The following CELF4 variants were observed in gnomAD, a reference collection of about 807,000 sequenced individuals.
CELF4 encodes CUG-BP- and ETR-3-like factor 4.
Under a neutral mutation model 59.9 loss-of-function variants are expected in CELF4, and 18 were observed. The observed-to-expected ratio is 0.30, with a 90% confidence interval of 0.21 to 0.45. CELF4 has a LOEUF of 0.45. Ranked by LOEUF, CELF4 falls within the 20% of genes least tolerant of loss-of-function variation. The pLI is 1.00. For synonymous variants in CELF4, 261 were observed against 267.1 expected (o/e 0.98, Z 0.22); for missense variants, 456 against 689.0 (o/e 0.66, Z 3.79).
At chr18:37,538,171 C>G (rs1055841832) in intron 1 of CELF4, among the ~76,000 whole-genome samples, 4 of 152,208 alleles carry the variant, frequency 2.6e-5, no homozygotes, top group Non-Finnish European at 4.4e-5. Context: ...AGGGGATGGC[C>G]CTGGTCTCTC....
At chr18:37,270,256 T>C (rs1025971974) in intron 8 of CELF4, among the ~76,000 whole-genome samples, 8 of 152,238 alleles carry the variant, frequency 5.3e-5, no homozygotes, top group Admixed American at 6.5e-5. Context: ...TCCATGGTGC[T>C]GATCACGCTT....
intron 2 of CELF4, among the ~76,000 whole-genome samples, chr18:37,462,270 G>A (rs1451881411): frequency 3.3e-5 from 5 of 152,278 alleles, no homozygotes; most frequent in South Asian, 2.1e-4. Flanking sequence ...CTAGCATCAC[G>A]GTCTCCTGGG....
chr18:37,320,173 T>C (rs1186505416), intron 3 of CELF4, among the ~76,000 whole-genome samples: 1 of 152,002 alleles, frequency 6.6e-6, no homozygotes, highest in Non-Finnish European at 1.5e-5. Flanking sequence ...CCATCTCTAC[T>C]AAAAATACAA....
At chr18:37,549,380 A>C (rs1439958637) in intron 1 of CELF4, among the ~76,000 whole-genome samples, 1 of 152,022 alleles carries the variant, frequency 6.6e-6, no homozygotes, top group Non-Finnish European at 1.5e-5. Context: ...AGGGAAAAAA[A>C]CTCCTACTCC....
chr18:37,506,831 G>A (rs1402922558), intron 1 of CELF4, among the ~76,000 whole-genome samples: 1 of 152,218 alleles, frequency 6.6e-6, no homozygotes, highest in Non-Finnish European at 1.5e-5. Flanking sequence ...TGAAAAGTTT[G>A]TTTCCTCCTT....
At chr18:37,552,694 G>C (rs1317209716) in intron 1 of CELF4, among the ~76,000 whole-genome samples, 3 of 152,250 alleles carry the variant, frequency 2.0e-5, no homozygotes, top group Non-Finnish European at 4.4e-5. Flanking sequence ...GATGGCATAA[G>C]GGGCAGATGG....
intron 10 of CELF4, among the ~76,000 whole-genome samples, chr18:37,260,969 C>G (rs1203559614): frequency 6.6e-6 from 1 of 152,124 alleles, no homozygotes; most frequent in Non-Finnish European, 1.5e-5. Context: ...CCCCCGAGCT[C>G]TGGTGGCCCT....
intron 2 of CELF4, among the ~76,000 whole-genome samples, chr18:37,375,488 G>A (rs1398829493): frequency 6.6e-6 from 1 of 152,150 alleles, no homozygotes; most frequent in East Asian, 1.9e-4. Context: ...CCCCACCAAA[G>A]TCAGCTTTTC....
intron 1 of CELF4, among the ~76,000 whole-genome samples, chr18:37,513,980 GTGTA>G (rs986420886): frequency 3.9e-5 from 5 of 126,930 alleles, no homozygotes; most frequent in Admixed American, 7.9e-5. Context: ...GTGTGTGTGT[GTGTA>G]TACCTTCTGA....
chr18:37,542,318 G>A (rs897977505), intron 1 of CELF4, among the ~76,000 whole-genome samples: 2 of 152,218 alleles, frequency 1.3e-5, no homozygotes, highest in East Asian at 1.9e-4. Flanking sequence ...ATAAACACTC[G>A]TTATTGAGTG....
Position 37,369,395 on chromosome 18 carries a change from A to G in CELF4, c.370-47514T>C, listed in dbSNP as rs531319000. On this transcript the variant is annotated intron_variant, in intron 2 of 12. Transcript: ENST00000420428. Reference sequence around the variant, plus strand: ...GAGGATTGGCTCTCTGGGTCTTTGGAGGAACCTATGAGTGGCTCTGGGGAC... The same window carrying G: ...GAGGATTGGCTCTCTGGGTCTTTGGGGGAACCTATGAGTGGCTCTGGGGAC... Among the ~76,000 whole-genome samples, 4 of 152,244 alleles carry G rather than the reference A, an allele frequency of 2.6e-5. No homozygotes were observed. In the South Asian group the frequency reaches 8.3e-4, roughly 32 times the overall value.
In CELF4 at chr18:37,535,744, C is replaced by A. The variant is rs572710433; in HGVS notation, c.286+29612G>T. On this transcript the variant is annotated intron_variant, in intron 1 of 12. Transcript: ENST00000420428. Reference sequence around the variant, plus strand: ...AAGGGGCGGCCACCAGGAGGCCAGGCCACAGAGGAGCATGCTCAGGTGAGC... The same window carrying A: ...AAGGGGCGGCCACCAGGAGGCCAGGACACAGAGGAGCATGCTCAGGTGAGC... Among the ~76,000 whole-genome samples the A allele has an allele frequency of 1.1e-4, 16 of 152,314 alleles. No individual in the cohort carries two copies. In the East Asian group the frequency reaches 3.1e-3, roughly 29 times the overall value.
chr18:37,485,237 C>T (rs954331823), intron 2 of CELF4, among the ~76,000 whole-genome samples: 1 of 151,906 alleles, frequency 6.6e-6, no homozygotes, highest in African/African-American at 2.4e-5. Flanking sequence ...CCCGCGGGCC[C>T]GGCGGAGGCA....
chr18:37,468,846 C>T lies in CELF4; in HGVS notation c.369+16679G>A, dbSNP rs182877819. Among the ~76,000 whole-genome samples, 178 of 152,188 alleles carry T rather than the reference C, an allele frequency of 1.2e-3. 5 individuals carry two copies. In the South Asian group the frequency reaches 0.032, roughly 27 times the overall value. On this transcript the variant is annotated intron_variant, in intron 2 of 12. Coordinates refer to ENST00000420428, the MANE Select transcript of CELF4 (RefSeq NM_020180.4). ...TCTTGTGAGAACTCACTCACTATCA[C>T]GAGAACAGCATGGGGGAAACCACAT...
intron 2 of CELF4, among the ~76,000 whole-genome samples, chr18:37,385,205 G>A (rs528087437): frequency 3.9e-4 from 59 of 152,038 alleles, no homozygotes; most frequent in African/African-American, 9.4e-4. Flanking sequence ...AAAATTAGCC[G>A]GGTGTGGTGG....
intron 2 of CELF4, among the ~76,000 whole-genome samples, chr18:37,344,217 G>T (rs1021198443): frequency 6.6e-6 from 1 of 152,244 alleles, no homozygotes; most frequent in Non-Finnish European, 1.5e-5. Context: ...GTAAAAACCA[G>T]ATCATTGAGG....
intron 2 of CELF4, among the ~76,000 whole-genome samples, chr18:37,475,491 G>A (rs1044095230): frequency 4.6e-5 from 7 of 152,220 alleles, no homozygotes; most frequent in African/African-American, 1.4e-4. Context: ...AGGCAAGGGC[G>A]AGATCAGTGT....
At chr18:37,298,066 C>T (rs543605279) in intron 3 of CELF4, among the ~76,000 whole-genome samples, 12 of 152,344 alleles carry the variant, frequency 7.9e-5, no homozygotes, top group African/African-American at 2.9e-4. Context: ...CTGGCCTCAG[C>T]TCCACGAATG....
chr18:37,486,153 T>A (rs1320352137), intron 1 of CELF4: 2 of 152,164 alleles, frequency 1.3e-5, no homozygotes, highest in Non-Finnish European at 2.9e-5. Flanking sequence ...GTACCCTGTG[T>A]CCCCTGTCCC....
Sources: allele counts gnomAD v4.1 joint callset (sites outside exome capture counted in the v4.1 genomes callset), GRCh38; gene constraint gnomAD v4.1.1; transcripts MANE v1.5; gene names NCBI Gene and HGNC (gene_info 2026-07-23, HGNC 2026-07-21).